Variants in ITGB6 observed in about 807,000 individuals in gnomAD.
ITGB6 encodes integrin subunit beta 6.
ITGB6 carries 80 observed loss-of-function variants against 84.5 expected under a neutral mutation model. The ratio of observed to expected loss-of-function variants is 0.95; its 90% CI spans 0.79 to 1.14. The LOEUF (loss-of-function observed/expected upper bound fraction) is 1.14, where lower values mean the gene tolerates loss of function less well. Among genes scored for constraint, ITGB6 ranks in the 50% most tolerant of loss-of-function variants. The pLI, the probability that ITGB6 is intolerant of heterozygous loss-of-function variation, is 0.00. For missense variants in ITGB6, 1,006 were observed against 968.0 expected, an observed-to-expected ratio of 1.04 and a Z score of -0.52; for synonymous variants, 383 against 354.9, an observed-to-expected ratio of 1.08 and a Z score of -0.89.
intron 12 of ITGB6, among the ~76,000 whole-genome samples, chr2:160,121,653 G>A (rs984753597): frequency 2.0e-5 from 3 of 151,790 alleles, no homozygotes; most frequent in African/African-American, 7.3e-5. Flanking sequence ...GTGTAGGGTG[G>A]CATGTGCCTG....
chr2:160,132,864 C>A (rs1408112350), intron 10 of ITGB6, among the ~76,000 whole-genome samples: 2 of 151,976 alleles, frequency 1.3e-5, no homozygotes, highest in Non-Finnish European at 2.9e-5. Flanking sequence ...TCAAGATATT[C>A]CGAGTAATTT....
chr2:160,197,478 G>C (rs1686389577), intron 2 of ITGB6, among the ~76,000 whole-genome samples: 1 of 152,174 alleles, frequency 6.6e-6, no homozygotes, highest in African/African-American at 2.4e-5. Flanking sequence ...GGCTGCTTTA[G>C]AGTGGGCATG....
At chr2:160,173,849 A>T (rs2105870021) in intron 5 of ITGB6, 125 bp downstream of exon 5, 1 of 859,240 alleles carries the variant, frequency 1.2e-6, no homozygotes, top group East Asian at 3.0e-5. Context: ...TATTTTAAGA[A>T]AAATATGAAA....
At chr2:160,111,081 A>G (rs886578402) in intron 13 of ITGB6, among the ~76,000 whole-genome samples, 2 of 150,816 alleles carry the variant, frequency 1.3e-5, no homozygotes, top group Non-Finnish European at 3.0e-5. Context: ...GGAAGAATAA[A>G]AGAACAGACA....
intron 2 of ITGB6, among the ~76,000 whole-genome samples, chr2:160,198,247 G>C (rs1266557085): frequency 4.6e-5 from 7 of 152,158 alleles, no homozygotes; most frequent in Non-Finnish European, 8.8e-5. Context: ...GTTGGTCAAG[G>C]CCGTAGTAAG....
At chr2:160,161,574 AACC>A (rs1301541214) in intron 7 of ITGB6, among the ~76,000 whole-genome samples, 1 of 152,178 alleles carries the variant, frequency 6.6e-6, no homozygotes, top group Admixed American at 6.5e-5. Context: ...CACAGGCATG[AACC>A]ACCATGCCCG....
Position 160,150,472 on chromosome 2 carries a change from AG to A in ITGB6, c.1018-8402del, listed in dbSNP as rs905570825. Among the ~76,000 whole-genome samples the A allele has an allele frequency of 1.6e-3, 239 of 152,368 alleles. 4 individuals carry two copies. The highest frequency in any genetic ancestry group is 0.016 in the Admixed American group (239 of 15,306). Reference sequence around the variant, plus strand: ...CCTGAAGGAAGAACTAAACATGGAAAGAAACAACCGGTACTAGCCACTGCAA... The same window carrying A: ...CCTGAAGGAAGAACTAAACATGGAAAAAACAACCGGTACTAGCCACTGCAA... On this transcript the variant is annotated intron_variant, in intron 7 of 14. Transcript: ENST00000283249.
intron 7 of ITGB6, among the ~76,000 whole-genome samples, chr2:160,165,301 A>T (rs887581709): frequency 2.0e-5 from 3 of 152,228 alleles, no homozygotes; most frequent in Non-Finnish European, 4.4e-5. Context: ...TCCCTCCTCC[A>T]GAATCAAGGT....
intron 10 of ITGB6, among the ~76,000 whole-genome samples, chr2:160,126,964 T>G (rs545185866): frequency 6.6e-6 from 1 of 152,276 alleles, no homozygotes; most frequent in African/African-American, 2.4e-5. Context: ...GAGTGGGTGG[T>G]CCGACATGCC....
At chr2:160,197,175 A>G (rs1686375783) in intron 2 of ITGB6, among the ~76,000 whole-genome samples, 1 of 152,194 alleles carries the variant, frequency 6.6e-6, no homozygotes, top group Non-Finnish European at 1.5e-5. Flanking sequence ...TGGTGCCTGT[A>G]GTCCCAGCTA....
At chr2:160,195,085 G>A (rs1422328234) in intron 4 of ITGB6, among the ~76,000 whole-genome samples, 1 of 152,224 alleles carries the variant, frequency 6.6e-6, no homozygotes, top group Admixed American at 6.5e-5. Context: ...TATGGTGAAA[G>A]TCTTGGTTCC....
intron 7 of ITGB6, among the ~76,000 whole-genome samples, chr2:160,146,042 G>A (rs758916398): frequency 5.9e-5 from 9 of 152,032 alleles, no homozygotes; most frequent in Non-Finnish European, 1.3e-4. Context: ...TTCTACTATA[G>A]TCTCAGAGAC....
chr2:160,130,529 G>C (rs1000510495), intron 10 of ITGB6, among the ~76,000 whole-genome samples: 1 of 152,028 alleles, frequency 6.6e-6, no homozygotes, highest in Non-Finnish European at 1.5e-5. Context: ...GTGTTTGTGT[G>C]CATTATTTGT....
chr2:160,196,495 G>A, intron 2 of ITGB6, 75 bp from the exon 3 acceptor site: 4 of 1,310,640 alleles, frequency 3.1e-6, no homozygotes, highest in Non-Finnish European at 4.3e-6. Flanking sequence ...ACCAGCAATT[G>A]AAAGTTTTTC....
intron 4 of ITGB6, among the ~76,000 whole-genome samples, chr2:160,191,878 C>T (rs1439546013): frequency 2.0e-5 from 3 of 151,596 alleles, no homozygotes; most frequent in Non-Finnish European, 2.9e-5. Flanking sequence ...ACAAAGAATT[C>T]GAAAATAAAA....
chr2:160,159,897 C>T (rs1684756193), intron 7 of ITGB6, among the ~76,000 whole-genome samples: 1 of 152,096 alleles, frequency 6.6e-6, no homozygotes, highest in African/African-American at 2.4e-5. Flanking sequence ...TTAATTGTTT[C>T]TCGTCTATTT....
At chr2:160,149,333 G>A (rs1439266376) in intron 7 of ITGB6, among the ~76,000 whole-genome samples, 1 of 152,198 alleles carries the variant, frequency 6.6e-6, no homozygotes, top group East Asian at 1.9e-4. Context: ...TGGAACTCCA[G>A]CAAACTCCAA....
intron 10 of ITGB6, among the ~76,000 whole-genome samples, chr2:160,129,653 C>A (rs1239133173): frequency 6.6e-6 from 1 of 152,060 alleles, no homozygotes; most frequent in Non-Finnish European, 1.5e-5. Context: ...AGAAAAAAAT[C>A]ACAAGTGAAA....
chr2:160,164,206 C>T (rs1160979928), intron 7 of ITGB6, among the ~76,000 whole-genome samples: 2 of 152,192 alleles, frequency 1.3e-5, no homozygotes, highest in Admixed American at 6.5e-5. Context: ...CTTCTTAAGG[C>T]AGGCACTACG....
Sources: allele counts gnomAD v4.1 joint callset (sites outside exome capture counted in the v4.1 genomes callset), GRCh38; gene constraint gnomAD v4.1.1; transcripts MANE v1.5; gene names NCBI Gene and HGNC (gene_info 2026-07-23, HGNC 2026-07-21).